The following MAN2A1 variants were observed in gnomAD, a reference collection of about 807,000 sequenced individuals.
MAN2A1 encodes the protein mannosidase alpha class 2A member 1, also known as alpha-mannosidase 2.
In MAN2A1, 76 loss-of-function variants were observed where a neutral mutation model predicts 142.6. The observed-to-expected ratio is 0.53, with a 90% CI of 0.44 to 0.65. MAN2A1 has a LOEUF of 0.65. Among genes scored for constraint, MAN2A1 ranks in the 30% least tolerant of loss-of-function variants. MAN2A1 has a pLI of 0.00. For synonymous variants in MAN2A1, 559 were observed against 473.2 expected, an observed-to-expected ratio of 1.18 and a Z score of -2.35; for missense variants, 1,311 against 1,365.1, an observed-to-expected ratio of 0.96 and a Z score of 0.62.
intron 1 of MAN2A1, among the ~76,000 whole-genome samples, chr5:109,702,641 A>G (rs1696476608): frequency 6.6e-6 from 1 of 152,172 alleles, no homozygotes; most frequent in Admixed American, 6.5e-5. Flanking sequence ...GATGTATAGG[A>G]TATTTCTTGC....
At chr5:109,730,407 A>T (rs140195178) in intron 4 of MAN2A1, among the ~76,000 whole-genome samples, 216 of 152,076 alleles carry the variant, frequency 1.4e-3, no homozygotes, top group African/African-American at 5.0e-3. Context: ...AAATTTTAAC[A>T]TATTTATCTA....
chr5:109,709,528 A>G (rs1751236594), intron 1 of MAN2A1, among the ~76,000 whole-genome samples: 1 of 152,240 alleles, frequency 6.6e-6, no homozygotes, highest in Non-Finnish European at 1.5e-5. Context: ...GATCACAGTG[A>G]GGCCAATACC....
chr5:109,794,090 C>T (rs1166071733), intron 12 of MAN2A1: 1 of 152,132 alleles, frequency 6.6e-6, no homozygotes, highest in East Asian at 1.9e-4. Flanking sequence ...AACTCGCAAC[C>T]TTATTTTTAT....
At chr5:109,829,791 T>C (rs1283705204) in intron 16 of MAN2A1, among the ~76,000 whole-genome samples, 1 of 152,214 alleles carries the variant, frequency 6.6e-6, no homozygotes, top group East Asian at 1.9e-4. Flanking sequence ...TCAGTCAGAA[T>C]TGTATAAGCT....
At chr5:109,737,349 T>C (rs1752133221) in intron 4 of MAN2A1, among the ~76,000 whole-genome samples, 1 of 152,030 alleles carries the variant, frequency 6.6e-6, no homozygotes, top group Non-Finnish European at 1.5e-5. Flanking sequence ...GGTCTTGAAC[T>C]CTTGAACACC....
At position 109,868,670 on chromosome 5, in the gene MAN2A1, G is replaced by A. The variant is rs922059514; in HGVS notation, c.*1672G>A. ...TTTAATAATTAAGGAAACAATACCA[G>A]TGTTGATAAAGATATTACAAGGGGT... On this transcript the variant is annotated 3_prime_UTR_variant, in exon 22 of 22. Transcript: ENST00000261483. The A allele has an allele frequency of 6.6e-6, 1 of 152,112 alleles. No homozygotes were observed. Among genetic ancestry groups the A allele is most frequent in the African/African-American group, 2.4e-5 (1 of 41,396 alleles). 9.4% of individuals were successfully genotyped at this position (152,112 alleles called of 1,614,324 possible).
chr5:109,836,022 G>A (rs1195149738), intron 16 of MAN2A1, among the ~76,000 whole-genome samples: 1 of 152,010 alleles, frequency 6.6e-6, no homozygotes, highest in Non-Finnish European at 1.5e-5. Flanking sequence ...CACCCTCATG[G>A]ATGTTTCTTT....
Position 109,819,805 on chromosome 5 carries a change from A to C in MAN2A1, c.2246A>C (p.Lys749Thr). ...GAAGATAGCGGAATTTTCACCATAA[A>C]GAATATGATAAATACTGAAGAAGGT... Reference protein sequence around the residue: ...KVEDSGIFTIKNMINTEEGIT... With the variant: ...KVEDSGIFTITNMINTEEGIT... The change falls in exon 14 of 22, where the codon AAG (lysine) becomes ACG (threonine). Residue 749 changes from lysine (K) to threonine (T), a missense_variant. Lys to Thr is a moderately conservative substitution (Grantham distance 78). Coordinates refer to ENST00000261483, the MANE Select transcript of MAN2A1 (RefSeq NM_002372.4). The C allele has an allele frequency of 6.2e-7, 1 of 1,611,152 alleles. No individual in the cohort carries two copies. Among genetic ancestry groups the C allele is most frequent in the Non-Finnish European group, 8.5e-7 (1 of 1,178,044 alleles).
At chr5:109,774,987 T>A (rs757650685) in intron 8 of MAN2A1, 22 bp downstream of exon 8, 1 of 1,514,578 alleles carries the variant, frequency 6.6e-7, no homozygotes, top group South Asian at 1.2e-5. Flanking sequence ...ATATTTATGA[T>A]TCCGTATTTG....
chr5:109,710,498 T>G (rs929140583), intron 1 of MAN2A1, among the ~76,000 whole-genome samples: 1 of 151,934 alleles, frequency 6.6e-6, no homozygotes, highest in African/African-American at 2.4e-5. Context: ...AAGTATAAGA[T>G]AAAATGTGGT....
intron 20 of MAN2A1, 110 bp from the exon 21 acceptor site, chr5:109,864,926 T>C: frequency 2.6e-6 from 2 of 763,448 alleles, no homozygotes; most frequent in Non-Finnish European, 4.6e-6. Context: ...CTAACTTTCT[T>C]GCTAAATAAA....
chr5:109,815,051 G>T (rs1754416343), intron 12 of MAN2A1, among the ~76,000 whole-genome samples: 1 of 152,172 alleles, frequency 6.6e-6, no homozygotes, highest in African/African-American at 2.4e-5. Context: ...GGTTTCAGTA[G>T]TAAATCACTC....
intron 1 of MAN2A1, among the ~76,000 whole-genome samples, chr5:109,691,338 C>T (rs879646263): frequency 6.6e-6 from 1 of 152,172 alleles, no homozygotes; most frequent in African/African-American, 2.4e-5. Context: ...ATCCACCGCG[C>T]GGCATGTGCG....
chr5:109,832,179 T>TTTTTTTTTTTTTTTTTTTTTTG, intron 16 of MAN2A1, among the ~76,000 whole-genome samples: 1 of 145,612 alleles, frequency 6.9e-6, no homozygotes, highest in Non-Finnish European at 1.5e-5. Flanking sequence ...TTTTTTTTTT[T>TTTTTTTTTTTTTTTTTTTTTTG]TTTTTTTAGT....
intron 4 of MAN2A1, among the ~76,000 whole-genome samples, chr5:109,747,980 G>A (rs11960226): frequency 0.17 from 26,336 of 152,096 alleles, 3,269 homozygotes; most frequent in East Asian, 0.64. Context: ...GTTGTACCGT[G>A]CTTTTTAAAC....
chr5:109,768,409 T>C (rs1264000317), intron 6 of MAN2A1, among the ~76,000 whole-genome samples: 2 of 152,296 alleles, frequency 1.3e-5, no homozygotes, highest in Non-Finnish European at 2.9e-5. Flanking sequence ...TATTCTTTTT[T>C]TATGGTGAAG....
intron 3 of MAN2A1, among the ~76,000 whole-genome samples, chr5:109,716,782 C>G (rs1156994251): frequency 6.6e-6 from 1 of 152,168 alleles, no homozygotes; most frequent in Non-Finnish European, 1.5e-5. Flanking sequence ...TACTTAATCC[C>G]TCTGAGACCA....
intron 18 of MAN2A1, among the ~76,000 whole-genome samples, chr5:109,847,130 C>G (rs376113937): frequency 2.0e-5 from 3 of 152,120 alleles, no homozygotes; most frequent in African/African-American, 7.2e-5. Context: ...TTGTGCCGTA[C>G]ATGACTCTTG....
rs376535285 is a variant in MAN2A1 at position 109,714,177 on chromosome 5, CT to C, written c.390+417del. 5.1e-3 allele frequency among the ~76,000 whole-genome samples: 722 copies of C among 140,590 alleles called. 3 individuals are homozygous for C. The highest frequency in any genetic ancestry group is 0.015 in the African/African-American group (572 of 39,112). The allele number at this position is 140,590 out of a possible 152,430, so 92.2% of individuals were successfully genotyped here. A position where few individuals can be genotyped will look rare whatever the true frequency, so the allele number is the denominator to read the frequency against. On this transcript the variant is annotated intron_variant, in intron 2 of 21. Transcript: ENST00000261483. ...AGATTTTGTACAAAGTAAGGTTAGA[CT>C]TTTTTTTTTTTTTCTTAATATCCTT... is the stretch of plus-strand genomic sequence containing the variant.
Sources: gnomAD v4.1 joint callset for allele counts (sites outside exome capture counted in the v4.1 genomes callset) on GRCh38, gnomAD v4.1.1 for gene constraint, MANE v1.5 for transcripts, NCBI Gene and HGNC (gene_info 2026-07-23, HGNC 2026-07-21) for gene names.